Variants in AFF3 observed in about 807,000 individuals in gnomAD.
The protein encoded by AFF3 is AF4/FMR2 family member 3.
A neutral mutation model predicts 129.7 loss-of-function variants in AFF3; 32 were observed. That is an observed-to-expected ratio of 0.25 (90% CI 0.19 to 0.33). The LOEUF is 0.33. Ranked by LOEUF, AFF3 falls within the 10% of genes least tolerant of loss-of-function variation. AFF3 has a pLI of 1.00. For missense variants in AFF3, 1,373 were observed against 1,592.0 expected (o/e 0.86, Z 2.34); for synonymous variants, 644 against 635.4 (o/e 1.01, Z -0.20).
At chr2:100,083,138 T>C (rs529442304) in intron 4 of AFF3, among the ~76,000 whole-genome samples, 5 of 152,122 alleles carry the variant, frequency 3.3e-5, no homozygotes, top group Non-Finnish European at 5.9e-5. Flanking sequence ...GCTCTTAAAA[T>C]AATGCATTTG....
chr2:100,108,908 C>CTT (rs34769933), intron 2 of AFF3, among the ~76,000 whole-genome samples: 7,035 of 88,038 alleles, frequency 0.08, 571 homozygotes, highest in Non-Finnish European at 0.13. Flanking sequence ...CATTTCTTTC[C>CTT]TTTTTTTTTT....
intron 7 of AFF3, among the ~76,000 whole-genome samples, chr2:99,876,539 G>A (rs560020237): frequency 1.3e-5 from 2 of 151,970 alleles, no homozygotes; most frequent in East Asian, 1.9e-4. Context: ...CCTCTCCCCC[G>A]GCCTGTGTCC....
intron 4 of AFF3, among the ~76,000 whole-genome samples, chr2:100,014,783 C>CTTTTTTT (rs60456923): frequency 2.5e-5 from 3 of 120,414 alleles, no homozygotes; most frequent in Admixed American, 8.2e-5. Flanking sequence ...ACCTTGCTTC[C>CTTTTTTT]TTTTTTTTTT....
At chr2:99,856,488 C>T (rs535164965) in intron 7 of AFF3, among the ~76,000 whole-genome samples, 1 of 152,034 alleles carries the variant, frequency 6.6e-6, no homozygotes, top group Non-Finnish European at 1.5e-5. Context: ...ATTATGCCTC[C>T]AAACAAAAGG....
chr2:99,577,300 C>T (rs1456480856), intron 18 of AFF3, among the ~76,000 whole-genome samples: 3 of 152,208 alleles, frequency 2.0e-5, no homozygotes, highest in South Asian at 2.1e-4. Flanking sequence ...AGGAGCGGGG[C>T]GGACGATGAG....
At chr2:99,564,818 G>A (rs17022788) in intron 20 of AFF3, among the ~76,000 whole-genome samples, 18,603 of 152,186 alleles carry the variant, frequency 0.12, 3,561 homozygotes, top group African/African-American at 0.41. Flanking sequence ...TAGACATTAT[G>A]TCAAGCAGTT....
intron 11 of AFF3, among the ~76,000 whole-genome samples, chr2:99,693,958 C>T (rs549778548): frequency 7.2e-5 from 11 of 151,780 alleles, no homozygotes; most frequent in African/African-American, 2.7e-4. Context: ...CACTCTGTCA[C>T]CCAGGGTGCA....
chr2:100,020,925 G>A (rs1405415750), intron 4 of AFF3, among the ~76,000 whole-genome samples: 1 of 152,208 alleles, frequency 6.6e-6, no homozygotes, highest in Non-Finnish European at 1.5e-5. Context: ...GTTTGGTCAT[G>A]CCACTGCCCT....
rs138831250 is a variant in AFF3, at chr2:100,046,253, C to T, written c.54-37321G>A. ...ATACCTACTCTATAGTGCTCACACA[C>T]AAACAGAATGAGGCACAAGAGAGGC... On this transcript the variant is annotated intron_variant, in intron 4 of 24. Coordinates refer to ENST00000672756, the MANE Select transcript of AFF3 (RefSeq NM_001386135.1). 1.2e-4 allele frequency among the ~76,000 whole-genome samples: 18 copies of T among 152,276 alleles called. No homozygotes were observed. The East Asian group carries it at 1.4e-3, about 11-fold the overall frequency.
At chr2:99,988,942 C>G (rs1680105801) in intron 7 of AFF3, among the ~76,000 whole-genome samples, 1 of 152,026 alleles carries the variant, frequency 6.6e-6, no homozygotes, top group Non-Finnish European at 1.5e-5. Flanking sequence ...TGGCAAGAAG[C>G]CAGGTGGTGA....
intron 11 of AFF3, among the ~76,000 whole-genome samples, chr2:99,681,316 T>C (rs1233296040): frequency 6.6e-6 from 1 of 152,226 alleles, no homozygotes; most frequent in Non-Finnish European, 1.5e-5. Flanking sequence ...TTGTAAACTG[T>C]AAAGCTTCAT....
intron 4 of AFF3, among the ~76,000 whole-genome samples, chr2:100,051,142 TA>T (rs1559088129): frequency 6.6e-6 from 1 of 152,112 alleles, no homozygotes; most frequent in East Asian, 1.9e-4. Context: ...GTCATTCAGG[TA>T]GTCTTCTTTA....
chr2:99,708,268 A>G (rs986838919), intron 11 of AFF3, among the ~76,000 whole-genome samples: 8 of 152,196 alleles, frequency 5.3e-5, no homozygotes, highest in Non-Finnish European at 1.0e-4. Context: ...ATCCATTTAC[A>G]ACTCCTGGAA....
At chr2:99,892,534 A>C (rs983028059) in intron 7 of AFF3, among the ~76,000 whole-genome samples, 1 of 152,218 alleles carries the variant, frequency 6.6e-6, no homozygotes, top group Admixed American at 6.5e-5. Flanking sequence ...AGTCTATTTT[A>C]ATCTGTCTCC....
intron 8 of AFF3, among the ~76,000 whole-genome samples, chr2:99,782,086 T>G (rs1467993163): frequency 6.6e-6 from 1 of 152,156 alleles, no homozygotes; most frequent in Admixed American, 6.5e-5. Context: ...CTGAAAGGGT[T>G]TTTTCTTTTT....
chr2:99,611,541 A>AG (rs1217976232), intron 13 of AFF3, among the ~76,000 whole-genome samples: 4 of 152,002 alleles, frequency 2.6e-5, no homozygotes, highest in Non-Finnish European at 5.9e-5. Flanking sequence ...GCTGATGGAG[A>AG]GGGGGCCACA....
intron 7 of AFF3, among the ~76,000 whole-genome samples, chr2:99,972,420 G>C (rs1443513097): frequency 2.6e-5 from 4 of 152,226 alleles, no homozygotes; most frequent in Non-Finnish European, 5.9e-5. Context: ...GGTCTGCACA[G>C]GGGTGATTTT....
chr2:100,132,263 G>A (rs1026939919), intron 1 of AFF3, among the ~76,000 whole-genome samples: 2 of 152,144 alleles, frequency 1.3e-5, no homozygotes, highest in Non-Finnish European at 2.9e-5. Context: ...CACAAAATAA[G>A]TAAATGACAA....
intron 7 of AFF3, among the ~76,000 whole-genome samples, chr2:99,945,093 G>T (rs1451932746): frequency 1.3e-5 from 2 of 152,150 alleles, no homozygotes; most frequent in East Asian, 3.9e-4. Flanking sequence ...TTAGACATGA[G>T]CACATGTATA....
Sources: allele counts gnomAD v4.1 joint callset (sites outside exome capture counted in the v4.1 genomes callset), GRCh38; gene constraint gnomAD v4.1.1; transcripts MANE v1.5; gene names NCBI Gene and HGNC (gene_info 2026-07-23, HGNC 2026-07-21).